ANKRD27: variants seen among roughly 807,000 people sequenced by gnomAD.
ANKRD27 encodes the protein ankyrin repeat domain-containing protein 27.
In ANKRD27, 112 loss-of-function variants were observed where a neutral mutation model predicts 129.7. The ratio of observed to expected loss-of-function variants is 0.86; its 90% CI spans 0.74 to 1.01. ANKRD27 has a LOEUF of 1.01. ANKRD27 is among the 50% of genes least tolerant of loss of function. The pLI is 0.00. For missense variants in ANKRD27, 1,258 were observed against 1,300.5 expected (o/e 0.97, Z 0.50); for synonymous variants, 516 against 511.2 (o/e 1.01, Z -0.13).
chr19:32,641,907 A>G (rs1170075953), intron 10 of ANKRD27, 117 bp downstream of exon 10: 2 of 1,268,982 alleles, frequency 1.6e-6, no homozygotes, highest in Non-Finnish European at 2.1e-6. Flanking sequence ...CACTGGGGTT[A>G]CAGAGGTGAG....
At chr19:32,641,692 A>G (rs1215023268) in intron 10 of ANKRD27, among the ~76,000 whole-genome samples, 2 of 149,896 alleles carry the variant, frequency 1.3e-5, no homozygotes, top group Non-Finnish European at 3.0e-5. Flanking sequence ...TACACTCAGG[A>G]TCATCCCTTA....
At chr19:32,666,775 T>C (rs10451463) in intron 1 of ANKRD27, among the ~76,000 whole-genome samples, 15,958 of 151,842 alleles carry the variant, frequency 0.11, 1,096 homozygotes, top group East Asian at 0.26. Flanking sequence ...GCCTCCCTCG[T>C]AGCTGGGATT....
Position 32,597,954 on chromosome 19 carries a change from A to C in ANKRD27, c.*191T>G. On this transcript the variant is annotated 3_prime_UTR_variant, in exon 29 of 29. Coordinates refer to ENST00000306065, the MANE Select transcript of ANKRD27 (RefSeq NM_032139.3). ...ATTGTATTCATTAGCTTTGAAGAGGAGAGAGATGGTGGTGGTTAACTTTTT... is the reference window on the plus strand; with the variant it reads ...ATTGTATTCATTAGCTTTGAAGAGGCGAGAGATGGTGGTGGTTAACTTTTT... 1.7e-6 allele frequency: 1 copy of C among 599,724 alleles called. No individual in the cohort carries two copies. Among genetic ancestry groups the C allele is most frequent in the East Asian group, 2.8e-5 (1 of 36,026 alleles). 37.2% of individuals were successfully genotyped at this position (599,724 alleles called of 1,614,324 possible).
intron 2 of ANKRD27, among the ~76,000 whole-genome samples, chr19:32,651,661 C>T (rs945621915): frequency 6.6e-6 from 1 of 152,136 alleles, no homozygotes; most frequent in Non-Finnish European, 1.5e-5. Context: ...TGAGCCACCA[C>T]GCCTGGCCTC....
At chr19:32,617,769 T>C (rs559603053) in intron 20 of ANKRD27, 136 bp from the exon 21 acceptor site, 1 of 468,446 alleles carries the variant, frequency 2.1e-6, no homozygotes, top group Non-Finnish European at 3.9e-6. Context: ...TTTTTTTTTT[T>C]TTGAGATGGA....
intron 13 of ANKRD27, among the ~76,000 whole-genome samples, 180 bp downstream of exon 13, chr19:32,631,222 T>C (rs1020528304): frequency 2.6e-5 from 4 of 152,008 alleles, no homozygotes; most frequent in Admixed American, 2.0e-4. Context: ...TTGCACCATG[T>C]TGGCCACACT....
At chr19:32,656,111 A>AAAGAAAG (rs1568417831) in intron 2 of ANKRD27, among the ~76,000 whole-genome samples, 29 of 111,426 alleles carry the variant, frequency 2.6e-4, no homozygotes, top group African/African-American at 1.0e-3. Flanking sequence ...AAGAAAGAAA[A>AAAGAAAG]GAAAAGAAAA....
At chr19:32,667,343 T>C (rs928673463) in intron 1 of ANKRD27, among the ~76,000 whole-genome samples, 3 of 152,234 alleles carry the variant, frequency 2.0e-5, no homozygotes, top group East Asian at 3.8e-4. Context: ...CAATAACTTA[T>C]TGTCTTTATA....
At chr19:32,671,363 T>G (rs1967867204) in intron 1 of ANKRD27, among the ~76,000 whole-genome samples, 1 of 152,002 alleles carries the variant, frequency 6.6e-6, no homozygotes. Context: ...GGGTAAATGC[T>G]TAAAAAAACA....
At chr19:32,653,832 G>T (rs925102419) in intron 2 of ANKRD27, among the ~76,000 whole-genome samples, 1 of 152,348 alleles carries the variant, frequency 6.6e-6, no homozygotes. Flanking sequence ...GAGATGAGGC[G>T]GCCCAGCAGC....
intron 1 of ANKRD27, among the ~76,000 whole-genome samples, chr19:32,660,167 T>C (rs1329591643): frequency 1.3e-5 from 2 of 152,218 alleles, no homozygotes; most frequent in African/African-American, 2.4e-5. Context: ...CAAAAACTCA[T>C]ATGTTAAAAT....
At chr19:32,635,814 G>C (rs1475091307) in intron 12 of ANKRD27, among the ~76,000 whole-genome samples, 1 of 152,152 alleles carries the variant, frequency 6.6e-6, no homozygotes, top group African/African-American at 2.4e-5. Context: ...CTGTCAACGA[G>C]TACAGCGAGA....
chr19:32,628,696 C>CT (rs775769019), intron 14 of ANKRD27, 26 bp downstream of exon 14: 2 of 1,613,084 alleles, frequency 1.2e-6, no homozygotes, highest in Non-Finnish European at 1.7e-6. Flanking sequence ...TCCTGGCACT[C>CT]TGAGCCTCCA....
intron 10 of ANKRD27, among the ~76,000 whole-genome samples, chr19:32,641,123 G>A (rs1001797219): frequency 6.6e-6 from 1 of 151,450 alleles, no homozygotes; most frequent in African/African-American, 2.4e-5. Flanking sequence ...GGATGGTCTC[G>A]ATCTCCTGAC....
intron 15 of ANKRD27, among the ~76,000 whole-genome samples, chr19:32,627,869 G>C (rs545781438): frequency 3.9e-5 from 6 of 152,228 alleles, no homozygotes; most frequent in Middle Eastern, 3.2e-3. Flanking sequence ...ACCCACGCAG[G>C]GGGGCTCAGC....
intron 3 of ANKRD27, among the ~76,000 whole-genome samples, chr19:32,647,170 CA>C (rs1341236022): frequency 2.6e-5 from 4 of 152,186 alleles, no homozygotes; most frequent in Non-Finnish European, 4.4e-5. Flanking sequence ...TTATTTGGAA[CA>C]GTGCCTCGGT....
At chr19:32,607,501 C>T (rs1971761943) in intron 23 of ANKRD27, 134 bp downstream of exon 23, 1 of 1,112,346 alleles carries the variant, frequency 9.0e-7, no homozygotes, top group Middle Eastern at 2.9e-4. Flanking sequence ...ACCGTGTGCA[C>T]CTCAGAATCT....
intron 3 of ANKRD27, among the ~76,000 whole-genome samples, chr19:32,649,385 C>T (rs746608337): frequency 2.6e-5 from 4 of 152,192 alleles, no homozygotes; most frequent in Non-Finnish European, 4.4e-5. Flanking sequence ...TTGGCTCGGA[C>T]ATCAGCAAGG....
intron 13 of ANKRD27, among the ~76,000 whole-genome samples, chr19:32,629,198 G>C (rs956850140): frequency 3.3e-5 from 5 of 151,786 alleles, no homozygotes; most frequent in African/African-American, 1.2e-4. Context: ...TGGGATTACA[G>C]GCGTGAGCCA....
Sources: allele counts gnomAD v4.1 joint callset (sites outside exome capture counted in the v4.1 genomes callset), GRCh38; gene constraint gnomAD v4.1.1; transcripts MANE v1.5; gene names NCBI Gene and HGNC (gene_info 2026-07-23, HGNC 2026-07-21).